Variants in TMEFF1 observed in about 807,000 individuals in gnomAD.
TMEFF1 encodes transmembrane protein with EGF like and two follistatin like domains 1, also known as tomoregulin-1.
Under a neutral mutation model 47.5 loss-of-function variants are expected in TMEFF1, and 20 were observed. The ratio of observed to expected loss-of-function variants is 0.42; its 90% confidence interval spans 0.30 to 0.61. TMEFF1 has a LOEUF of 0.61. Ranked by LOEUF, TMEFF1 falls within the 20% of genes least tolerant of loss-of-function variation. TMEFF1 has a pLI of 0.19. For synonymous variants in TMEFF1, 162 were observed against 166.3 expected, an observed-to-expected ratio of 0.97 and a Z score of 0.20; for missense variants, 411 against 471.1, an observed-to-expected ratio of 0.87 and a Z score of 1.18.
At chr9:100,485,299 A>G (rs7865385) in intron 1 of TMEFF1, among the ~76,000 whole-genome samples, 6 of 152,030 alleles carry the variant, frequency 3.9e-5, no homozygotes, top group Non-Finnish European at 8.8e-5. Flanking sequence ...ACATTGTTTC[A>G]TATCTCTTGG....
chr9:100,549,998 T>G, intron 6 of TMEFF1, 97 bp from the exon 7 acceptor site: 1 of 1,412,452 alleles, frequency 7.1e-7, no homozygotes, highest in East Asian at 2.5e-5. Context: ...GGGGCAGAGG[T>G]TAAGAAGAAC....
At chr9:100,493,933 A>G (rs62579393) in intron 1 of TMEFF1, among the ~76,000 whole-genome samples, 14 of 152,286 alleles carry the variant, frequency 9.2e-5, no homozygotes, top group Non-Finnish European at 1.9e-4. Flanking sequence ...CTCTAATCCT[A>G]GCACTTTGGG....
intron 5 of TMEFF1, among the ~76,000 whole-genome samples, chr9:100,533,966 C>G (rs551454395): frequency 1.2e-4 from 19 of 152,292 alleles, no homozygotes; most frequent in African/African-American, 4.6e-4. Flanking sequence ...ATCCACCCAC[C>G]TCGACCTTCT....
chr9:100,523,894 A>ATTT (rs1396980915), intron 5 of TMEFF1, among the ~76,000 whole-genome samples: 1 of 152,224 alleles, frequency 6.6e-6, no homozygotes, highest in Non-Finnish European at 1.5e-5. Flanking sequence ...ATTTGCCAAA[A>ATTT]TTATAGTGCT....
At chr9:100,542,023 G>T (rs181441159) in intron 5 of TMEFF1, among the ~76,000 whole-genome samples, 6 of 152,024 alleles carry the variant, frequency 3.9e-5, no homozygotes, top group Admixed American at 2.0e-4. Context: ...GGAAAATGTG[G>T]TCAACTTAAA....
At chr9:100,507,800 T>C (rs1402319292) in intron 2 of TMEFF1, among the ~76,000 whole-genome samples, 1 of 152,210 alleles carries the variant, frequency 6.6e-6, no homozygotes, top group Non-Finnish European at 1.5e-5. Context: ...CATTGTCTTG[T>C]TAGATATTAA....
intron 5 of TMEFF1, among the ~76,000 whole-genome samples, chr9:100,520,013 A>T (rs1659228154): frequency 6.6e-6 from 1 of 152,158 alleles, no homozygotes; most frequent in African/African-American, 2.4e-5. Context: ...ACTTTCTTAT[A>T]AAATACTGGC....
intron 5 of TMEFF1, among the ~76,000 whole-genome samples, chr9:100,542,810 T>C (rs2061529298): frequency 6.6e-6 from 1 of 152,200 alleles, no homozygotes; most frequent in Non-Finnish European, 1.5e-5. Context: ...TTTTTAGTTT[T>C]AGAAAGTTTG....
intron 5 of TMEFF1, among the ~76,000 whole-genome samples, chr9:100,545,208 G>A (rs1838709532): frequency 1.3e-5 from 2 of 152,174 alleles, no homozygotes; most frequent in South Asian, 2.1e-4. Flanking sequence ...CTTCCACGCT[G>A]CCCTAGCAGA....
Position 100,531,868 on chromosome 9 carries a change from G to A in TMEFF1, c.560+15097G>A, listed in dbSNP as rs927283245. Among the ~76,000 whole-genome samples the A allele has an allele frequency of 3.3e-5, 5 of 151,858 alleles. No individual in the cohort carries two copies. The East Asian group carries it at 9.6e-4, about 29-fold the overall frequency. ...CTACAAGGCTACAGTAACCAAAACA[G>A]CATGGTACTGGTACCAAAACAGAGA... On this transcript the variant is annotated intron_variant, in intron 5 of 9. Transcript: ENST00000374879.
intron 1 of TMEFF1, among the ~76,000 whole-genome samples, chr9:100,486,826 C>T (rs556502222): frequency 2.1e-3 from 314 of 152,040 alleles, no homozygotes; most frequent in Non-Finnish European, 3.4e-3. Flanking sequence ...TTTGTAGTTA[C>T]GGAGTCTCTC....
At chr9:100,550,673 C>T (rs1268515656) in intron 7 of TMEFF1, among the ~76,000 whole-genome samples, 1 of 152,202 alleles carries the variant, frequency 6.6e-6, no homozygotes. Context: ...GAACACTTAG[C>T]CCACTCTATT....
intron 5 of TMEFF1, among the ~76,000 whole-genome samples, chr9:100,541,965 A>G (rs949660329): frequency 6.6e-6 from 1 of 152,176 alleles, no homozygotes; most frequent in Non-Finnish European, 1.5e-5. Context: ...AGCAACATAT[A>G]GCTGGCTTTT....
At chr9:100,576,076 C>T (rs1233451207) in intron 9 of TMEFF1, among the ~76,000 whole-genome samples, 1 of 152,148 alleles carries the variant, frequency 6.6e-6, no homozygotes, top group African/African-American at 2.4e-5. Flanking sequence ...TTTCTCCCTT[C>T]ATCTAAGCTC....
At chr9:100,496,671 A>C (rs756080189) in intron 1 of TMEFF1, among the ~76,000 whole-genome samples, 5 of 152,242 alleles carry the variant, frequency 3.3e-5, no homozygotes, top group Non-Finnish European at 7.3e-5. Flanking sequence ...TTTAGGTTCT[A>C]GCTTGCAATC....
intron 7 of TMEFF1, among the ~76,000 whole-genome samples, chr9:100,559,669 T>A (rs1033821128): frequency 5.3e-5 from 8 of 152,172 alleles, no homozygotes; most frequent in Non-Finnish European, 1.2e-4. Context: ...AAATATAAAA[T>A]TACATATGTG....
At chr9:100,515,842 C>T (rs1393185911) in intron 4 of TMEFF1, among the ~76,000 whole-genome samples, 2 of 152,002 alleles carry the variant, frequency 1.3e-5, no homozygotes, top group Non-Finnish European at 2.9e-5. Context: ...GAATAGTACT[C>T]TTTTTCAAAC....
In TMEFF1 at chr9:100,492,167, A is replaced by T. The variant is rs139397393; in HGVS notation, c.197-6598A>T. On this transcript the variant is annotated intron_variant, in intron 1 of 9. Transcript: ENST00000374879. ...CCAAAGTGCTGGGATTGCAGGCGTG[A>T]GCCACCGCACCTGGCCTCCTCTTTC... Among the ~76,000 whole-genome samples, 1,443 of 152,328 alleles carry T rather than the reference A, an allele frequency of 9.5e-3. 12 individuals are homozygous for T. Among genetic ancestry groups the T allele is most frequent in the South Asian group, 0.034 (166 of 4,830 alleles).
At chr9:100,529,975 A>G (rs1347478882) in intron 5 of TMEFF1, among the ~76,000 whole-genome samples, 3 of 152,098 alleles carry the variant, frequency 2.0e-5, no homozygotes, top group African/African-American at 7.2e-5. Context: ...AAACTGAACA[A>G]CCTGCTCCTG....
Sources: allele counts gnomAD v4.1 joint callset (sites outside exome capture counted in the v4.1 genomes callset), GRCh38; gene constraint gnomAD v4.1.1; transcripts MANE v1.5; gene names NCBI Gene and HGNC (gene_info 2026-07-23, HGNC 2026-07-21).